DLGAP2: variants seen among roughly 807,000 people sequenced by gnomAD.
The protein encoded by DLGAP2 is disks large-associated protein 2.
A neutral mutation model predicts 100.3 loss-of-function variants in DLGAP2; 26 were observed. The observed-to-expected ratio is 0.26, with a 90% CI of 0.19 to 0.36. DLGAP2 has a LOEUF of 0.36. DLGAP2 is among the 10% of genes least tolerant of loss of function. The pLI, the probability that DLGAP2 is intolerant of heterozygous loss-of-function variation, is 1.00. For synonymous variants in DLGAP2, 886 were observed against 630.1 expected, an observed-to-expected ratio of 1.41 and a Z score of -6.08; for missense variants, 1,858 against 1,453.2, an observed-to-expected ratio of 1.28 and a Z score of -4.53.
At chr8:1,345,300 C>T (rs1020886080) in intron 3 of DLGAP2, among the ~76,000 whole-genome samples, 1 of 116,070 alleles carries the variant, frequency 8.6e-6, no homozygotes, top group Non-Finnish European at 1.9e-5. Flanking sequence ...TCAGTTCCTT[C>T]AGAGCAGAGT....
chr8:1,041,982 C>T (rs1044993099), intron 2 of DLGAP2, among the ~76,000 whole-genome samples: 1 of 152,230 alleles, frequency 6.6e-6, no homozygotes, highest in Non-Finnish European at 1.5e-5. Flanking sequence ...GGGATTTCTT[C>T]TGGCTCGGCT....
intron 1 of DLGAP2, among the ~76,000 whole-genome samples, chr8:818,084 C>G (rs1796518576): frequency 6.6e-6 from 1 of 152,090 alleles, no homozygotes; most frequent in Admixed American, 6.5e-5. Context: ...ACCTCTGTTT[C>G]AGGTACCAGG....
At chr8:1,313,726 C>G (rs1408873922) in intron 3 of DLGAP2, among the ~76,000 whole-genome samples, 1 of 152,112 alleles carries the variant, frequency 6.6e-6, no homozygotes, top group East Asian at 1.9e-4. Flanking sequence ...CAGTCACAGA[C>G]TGGAAAAGGT....
At chr8:798,025 C>G (rs1260311943) in intron 1 of DLGAP2, among the ~76,000 whole-genome samples, 1 of 152,244 alleles carries the variant, frequency 6.6e-6, no homozygotes, top group Non-Finnish European at 1.5e-5. Context: ...GCTGGGATTA[C>G]AGGCGTGAGC....
intron 3 of DLGAP2, among the ~76,000 whole-genome samples, chr8:1,295,095 C>G (rs1389275858): frequency 6.6e-6 from 1 of 152,008 alleles, no homozygotes; most frequent in East Asian, 1.9e-4. Context: ...AATCTACTAC[C>G]ACGGGCTCAT....
chr8:1,687,144 AG>A (rs1799136230), intron 12 of DLGAP2, among the ~76,000 whole-genome samples: 1 of 152,228 alleles, frequency 6.6e-6, no homozygotes, highest in South Asian at 2.1e-4. Flanking sequence ...AGGGGATCAC[AG>A]GGGTTACAAA....
At chr8:1,501,647 C>G (rs1243505531) in intron 4 of DLGAP2, among the ~76,000 whole-genome samples, 3 of 152,230 alleles carry the variant, frequency 2.0e-5, no homozygotes, top group African/African-American at 7.2e-5. Context: ...TCCTGGCCCT[C>G]AGGAACTGAG....
intron 1 of DLGAP2, among the ~76,000 whole-genome samples, chr8:826,678 A>C (rs956935438): frequency 2.6e-5 from 4 of 151,764 alleles, no homozygotes; most frequent in Admixed American, 6.6e-5. Flanking sequence ...CCCCTCTCGC[A>C]GCCTTCTCTG....
intron 5 of DLGAP2, among the ~76,000 whole-genome samples, chr8:1,553,054 C>A (rs1801824644): frequency 1.3e-5 from 2 of 152,204 alleles, no homozygotes; most frequent in Non-Finnish European, 1.5e-5. Context: ...CCGAAACTCC[C>A]AGGGACGTGC....
In DLGAP2 at chr8:1,334,292, C is replaced by G. The variant is rs544456840; in HGVS notation, c.106+75409C>G. ...TCAGCATTTGCCACCCCATGCAGCC[C>G]TGGCAGCTCCCTTAGAGCCATCACT... On this transcript the variant is annotated intron_variant, in intron 3 of 14. Coordinates refer to ENST00000637795, the MANE Select transcript of DLGAP2 (RefSeq NM_001346810.2). 2.0e-5 allele frequency among the ~76,000 whole-genome samples: 3 copies of G among 152,348 alleles called. No individual in the cohort carries two copies. In the East Asian group the frequency reaches 5.8e-4, roughly 29 times the overall value.
At chr8:1,136,404 C>T (rs1796413908) in intron 2 of DLGAP2, among the ~76,000 whole-genome samples, 1 of 152,240 alleles carries the variant, frequency 6.6e-6, no homozygotes, top group South Asian at 2.1e-4. Context: ...AGTGGGAACA[C>T]AGCTTCCCTG....
intron 3 of DLGAP2, among the ~76,000 whole-genome samples, chr8:1,295,342 G>A (rs140283264): frequency 0.015 from 2,220 of 152,306 alleles, 21 homozygotes; most frequent in South Asian, 0.037. Flanking sequence ...CCTGGTGACC[G>A]TGGGCCCGGA....
Position 1,549,186 on chromosome 8 carries a change from T to C in DLGAP2, c.733T>C (p.Ser245Pro). The C allele has an allele frequency of 6.3e-7, 1 of 1,599,676 alleles. No individual in the cohort carries two copies. The highest frequency in any genetic ancestry group is 8.5e-7 in the Non-Finnish European group (1 of 1,174,026). Residue 245 changes from serine to proline, a missense_variant, in exon 5 of 15, where the codon TCG becomes CCG. Transcript: ENST00000637795. ...SVQKLFTKSH[S>P]LEGSSKSNAN... Reference sequence around the variant, plus strand: ...GCAGAAGCTCTTCACCAAGTCGCACTCGCTGGAGGGCTCCTCCAAAAGCAA... The same window carrying C: ...GCAGAAGCTCTTCACCAAGTCGCACCCGCTGGAGGGCTCCTCCAAAAGCAA...
At chr8:914,834 C>T (rs1798557552) in intron 2 of DLGAP2, among the ~76,000 whole-genome samples, 1 of 152,174 alleles carries the variant, frequency 6.6e-6, no homozygotes, top group Non-Finnish European at 1.5e-5. Flanking sequence ...TAATGATATA[C>T]CAGTGTAAAT....
chr8:860,434 C>T (rs1377130023), intron 1 of DLGAP2, among the ~76,000 whole-genome samples: 2 of 152,204 alleles, frequency 1.3e-5, no homozygotes, highest in Non-Finnish European at 1.5e-5. Context: ...CATTATCCAT[C>T]GCCTTGGCTT....
intron 6 of DLGAP2, among the ~76,000 whole-genome samples, chr8:1,623,358 G>A (rs557614100): frequency 4.0e-5 from 6 of 148,606 alleles, no homozygotes; most frequent in African/African-American, 7.5e-5. Flanking sequence ...AGACCTGTGC[G>A]TGATGACCTG....
At chr8:1,093,982 C>T (rs1053435252) in intron 2 of DLGAP2, among the ~76,000 whole-genome samples, 10 of 110,178 alleles carry the variant, frequency 9.1e-5, no homozygotes, top group African/African-American at 2.7e-4. Flanking sequence ...TGCAGGCGCT[C>T]GTGGATGGAG....
At chr8:891,760 C>T (rs901229714) in intron 1 of DLGAP2, 6 of 152,244 alleles carry the variant, frequency 3.9e-5, no homozygotes, top group African/African-American at 1.4e-4. Flanking sequence ...GCAAAGCACG[C>T]CAGGATCCCA....
At chr8:1,493,609 G>C (rs1039409578) in intron 3 of DLGAP2, among the ~76,000 whole-genome samples, 2 of 152,218 alleles carry the variant, frequency 1.3e-5, no homozygotes, top group African/African-American at 4.8e-5. Flanking sequence ...TAATGGTGAA[G>C]GCTTCACATT....
Sources: gnomAD v4.1 joint callset for allele counts (sites outside exome capture counted in the v4.1 genomes callset) on GRCh38, gnomAD v4.1.1 for gene constraint, MANE v1.5 for transcripts, NCBI Gene and HGNC (gene_info 2026-07-23, HGNC 2026-07-21) for gene names.